AFF3: variants seen among roughly 807,000 people sequenced by gnomAD.
AFF3 encodes the protein ALF transcription elongation factor 3, also known as AF4/FMR2 family member 3.
AFF3 carries 32 observed loss-of-function variants against 129.7 expected under a neutral mutation model. The observed-to-expected ratio is 0.25, with a 90% confidence interval of 0.19 to 0.33. The LOEUF (loss-of-function observed/expected upper bound fraction) is 0.33, where lower values mean the gene tolerates loss of function less well. Among genes scored for constraint, AFF3 ranks in the 10% least tolerant of loss-of-function variants. The pLI is 1.00. For missense variants in AFF3, 1,373 were observed against 1,592.0 expected (o/e 0.86, Z 2.34); for synonymous variants, 644 against 635.4 (o/e 1.01, Z -0.20).
intron 11 of AFF3, among the ~76,000 whole-genome samples, chr2:99,722,928 G>A (rs1261480090): frequency 6.6e-6 from 1 of 152,118 alleles, no homozygotes; most frequent in Non-Finnish European, 1.5e-5. Flanking sequence ...CATGGGAGAA[G>A]CTATATAAAC....
chr2:99,895,021 CA>C (rs1328545664), intron 7 of AFF3, among the ~76,000 whole-genome samples: 2 of 152,206 alleles, frequency 1.3e-5, no homozygotes, highest in African/African-American at 4.8e-5. Context: ...TCATTGCCAG[CA>C]CACATAGGTT....
chr2:100,053,885 C>A (rs1686556224), intron 4 of AFF3, among the ~76,000 whole-genome samples: 1 of 152,172 alleles, frequency 6.6e-6, no homozygotes, highest in East Asian at 1.9e-4. Context: ...AGCTCACAAT[C>A]CAAGTACATA....
At chr2:100,078,987 G>A (rs1250565488) in intron 4 of AFF3, among the ~76,000 whole-genome samples, 1 of 144,350 alleles carries the variant, frequency 6.9e-6, no homozygotes, top group Admixed American at 7.1e-5. Flanking sequence ...CTGTTGCCTA[G>A]GCTGGATGGA....
intron 7 of AFF3, among the ~76,000 whole-genome samples, chr2:99,845,000 T>C (rs971198708): frequency 6.6e-6 from 1 of 152,070 alleles, no homozygotes; most frequent in African/African-American, 2.4e-5. Context: ...GTCCTAAACT[T>C]TATAAGAATA....
intron 2 of AFF3, chr2:100,109,913 A>T (rs1691457126): frequency 6.6e-6 from 1 of 152,170 alleles, no homozygotes; most frequent in African/African-American, 2.4e-5. Flanking sequence ...TATCTATAGC[A>T]TTGGCGCATT....
Position 99,551,496 on chromosome 2 carries a change from C to T in AFF3, c.3659G>A (p.Arg1220Gln), listed in dbSNP as rs150108936. 1.9e-6 allele frequency: 3 copies of T among 1,614,088 alleles called. No homozygotes were observed. Among genetic ancestry groups the T allele is most frequent in the Non-Finnish European group, 2.5e-6 (3 of 1,180,008 alleles). ...TCCCTATGACAGGTGGGCGCTGTTCCGCAGCCAGTGCAGGCCCTGTTGGGA... is the reference window on the plus strand; with the variant it reads ...TCCCTATGACAGGTGGGCGCTGTTCTGCAGCCAGTGCAGGCCCTGTTGGGA... Reference protein sequence around the residue: ...QYSQQGLHWLRNSAHLS With the variant: ...QYSQQGLHWLQNSAHLS Residue 1220 changes from arginine (R) to glutamine (Q), a missense_variant, in exon 25 of 25, where the codon CGG becomes CAG. Physicochemically the swap from Arg to Gln is conservative, Grantham distance 43. Around this residue, in one of 9 missense-constraint regions of AFF3, gnomAD observed 165 missense variants for 234.0 expected, o/e 0.71. Coordinates refer to ENST00000672756, the MANE Select transcript of AFF3 (RefSeq NM_001386135.1).
chr2:100,077,623 T>C (rs1688683956), intron 4 of AFF3, among the ~76,000 whole-genome samples: 1 of 152,254 alleles, frequency 6.6e-6, no homozygotes, highest in East Asian at 1.9e-4. Flanking sequence ...GAAACTACAG[T>C]ATCTGTTACT....
intron 13 of AFF3, among the ~76,000 whole-genome samples, chr2:99,610,941 T>G (rs772360714): frequency 8.5e-5 from 13 of 152,216 alleles, no homozygotes; most frequent in Non-Finnish European, 1.8e-4. Context: ...TAAGATCTTT[T>G]CTTACAGTCC....
At position 99,554,315 on chromosome 2, in the gene AFF3, G is replaced by A. The variant is rs1172653468; in HGVS notation, c.3555C>T (p.Asn1185=). ...WEMADNLAKE[N]REFFNDLDLL... ...CCCCGTGGGGTGTGCGCTCACCTCG[G>A]TTTTCCTTGGCCAGGTTGTCGGCCA... The change falls in exon 24 of 25, where the codon AAC becomes AAT. Residue 1185 remains asparagine, a synonymous_variant. Transcript: ENST00000672756. 19 of 1,614,202 alleles carry A rather than the reference G, an allele frequency of 1.2e-5. No homozygotes were observed. Among genetic ancestry groups the A allele is most frequent in the Non-Finnish European group, 1.6e-5 (19 of 1,180,040 alleles).
intron 13 of AFF3, among the ~76,000 whole-genome samples, chr2:99,645,148 A>G (rs1684579167): frequency 6.6e-6 from 1 of 152,150 alleles, no homozygotes; most frequent in Non-Finnish European, 1.5e-5. Flanking sequence ...CTGCCTGGGC[A>G]ACATGGTGAA....
intron 7 of AFF3, among the ~76,000 whole-genome samples, chr2:99,934,764 C>A (rs1364421042): frequency 6.6e-6 from 1 of 152,106 alleles, no homozygotes; most frequent in Non-Finnish European, 1.5e-5. Flanking sequence ...GTGCCTCTGT[C>A]GGGGAGAAGA....
At chr2:100,011,877 G>A (rs1682581396) in intron 4 of AFF3, among the ~76,000 whole-genome samples, 1 of 152,128 alleles carries the variant, frequency 6.6e-6, no homozygotes, top group African/African-American at 2.4e-5. Context: ...TCCAGGGTCT[G>A]GGAGTTATGA....
At chr2:99,985,829 A>C (rs1039666416) in intron 7 of AFF3, among the ~76,000 whole-genome samples, 4 of 152,162 alleles carry the variant, frequency 2.6e-5, no homozygotes, top group African/African-American at 9.7e-5. Flanking sequence ...AGGTGTGTGC[A>C]GTTTGTAAAA....
At chr2:100,056,616 T>C (rs1269640063) in intron 4 of AFF3, among the ~76,000 whole-genome samples, 2 of 152,226 alleles carry the variant, frequency 1.3e-5, no homozygotes, top group Non-Finnish European at 2.9e-5. Context: ...TAATGTCTCC[T>C]AACCATGTTT....
chr2:99,790,314 C>T (rs1405015053), intron 8 of AFF3, among the ~76,000 whole-genome samples: 14 of 152,300 alleles, frequency 9.2e-5, no homozygotes, highest in Non-Finnish European at 1.5e-4. Context: ...CACAGCAAGA[C>T]AACTCAAAAT....
chr2:99,830,701 C>T (rs1032928526), intron 8 of AFF3, among the ~76,000 whole-genome samples: 4 of 152,174 alleles, frequency 2.6e-5, no homozygotes, highest in Admixed American at 2.0e-4. Flanking sequence ...TGCCACTGTA[C>T]ACCAGCCTGG....
chr2:99,933,153 T>C (rs898461489), intron 7 of AFF3, among the ~76,000 whole-genome samples: 1 of 152,120 alleles, frequency 6.6e-6, no homozygotes, highest in Non-Finnish European at 1.5e-5. Context: ...GAGGTCTTTT[T>C]TTTTAAATAA....
intron 7 of AFF3, among the ~76,000 whole-genome samples, chr2:99,848,737 C>G (rs1028444157): frequency 6.6e-6 from 1 of 152,168 alleles, no homozygotes; most frequent in Admixed American, 6.5e-5. Flanking sequence ...TATTTTCTAT[C>G]TAACGCCATG....
At chr2:99,927,442 C>T (rs1696337096) in intron 7 of AFF3, among the ~76,000 whole-genome samples, 1 of 152,186 alleles carries the variant, frequency 6.6e-6, no homozygotes, top group African/African-American at 2.4e-5. Flanking sequence ...ATGAACGGAG[C>T]TGGAGGCCAT....
Sources: allele counts gnomAD v4.1 joint callset (sites outside exome capture counted in the v4.1 genomes callset), GRCh38; gene constraint gnomAD v4.1.1; regional missense constraint gnomAD v4.1.1; transcripts MANE v1.5; gene names NCBI Gene and HGNC (gene_info 2026-07-23, HGNC 2026-07-21).